RARA: variants seen among roughly 807,000 people sequenced by gnomAD.
RARA encodes the protein retinoic acid receptor alpha, also known as PML-DDX5-RARA fusion.
RARA carries 5 observed loss-of-function variants against 42.8 expected under a neutral mutation model. The observed-to-expected ratio is 0.12, with a 90% confidence interval of 0.06 to 0.25. The LOEUF (loss-of-function observed/expected upper bound fraction) is 0.25, where lower values mean the gene tolerates loss of function less well. Among genes scored for constraint, RARA ranks in the 10% least tolerant of loss-of-function variants. The pLI, the probability that RARA is intolerant of heterozygous loss-of-function variation, is 1.00. For missense variants in RARA, 402 were observed against 628.7 expected (o/e 0.64, Z 3.86); for synonymous variants, 256 against 259.5 (o/e 0.99, Z 0.13).
chr17:40,322,892 G>T (rs903155366), intron 1 of RARA: 2 of 152,058 alleles, frequency 1.3e-5, no homozygotes, highest in Non-Finnish European at 2.9e-5. Flanking sequence ...TCCCCAGGGG[G>T]TGCAAACAAT....
At chr17:40,348,607 A>G (rs1598578531) in intron 3 of RARA, 143 bp downstream of exon 3, 27 of 1,080,582 alleles carry the variant, frequency 2.5e-5, no homozygotes, top group Non-Finnish European at 3.0e-5. Flanking sequence ...GCAAGCAGGG[A>G]CACCTACCAC....
Position 40,351,596 on chromosome 17 carries a change from G to A in RARA, c.470-314G>A, listed in dbSNP as rs532494669. ...GAGGCAGAGCACCTAGGAGGGCACC[G>A]TCGCCTGGAGTGTGAGCTGGAGTAG... On this transcript the variant is annotated intron_variant, in intron 4 of 8. Transcript: ENST00000254066. This position sits in a 1 kb window ranked among gnomAD's most constrained non-coding sequence, Gnocchi z 4.1. 160 of 476,436 alleles carry A rather than the reference G, an allele frequency of 3.4e-4. No individual in the cohort carries two copies. The highest frequency in any genetic ancestry group is 2.2e-3 in the African/African-American group (113 of 50,908). The allele number at this position is 476,436 out of a possible 1,614,324, so 29.5% of individuals were successfully genotyped here.
At chr17:40,348,622 T>C in intron 3 of RARA, 158 bp downstream of exon 3, 1 of 875,668 alleles carries the variant, frequency 1.1e-6, no homozygotes, top group Non-Finnish European at 1.6e-6. Flanking sequence ...TACCACAGTT[T>C]CCCCACAGGT....
At position 40,326,909 on chromosome 17, in the gene RARA, C is replaced by A. The variant is rs1334196720; in HGVS notation, c.-362-3948C>A. Among the ~76,000 whole-genome samples the A allele has an allele frequency of 4.6e-5, 7 of 152,124 alleles. No individual in the cohort carries two copies. The highest frequency in any genetic ancestry group is 1.7e-4 in the African/African-American group (7 of 41,414). On this transcript the variant is annotated intron_variant, in intron 1 of 8. Transcript: ENST00000254066. This position sits in a 1 kb window ranked among gnomAD's most constrained non-coding sequence, Gnocchi z 5.2. ...TTGGGCCCACCCTGGTCATCCCTAC[C>A]CTTGCCCATCCCTGTTCTCTGGTCT...
At chr17:40,339,673 C>G (rs899120160) in intron 2 of RARA, among the ~76,000 whole-genome samples, 10 of 152,170 alleles carry the variant, frequency 6.6e-5, no homozygotes, top group Admixed American at 4.6e-4. Context: ...CTCTGCCTCC[C>G]TACTTAGAAT....
At chr17:40,342,834 C>A (rs779528914) in intron 2 of RARA, 2 of 1,613,114 alleles carry the variant, frequency 1.2e-6, no homozygotes, top group South Asian at 2.2e-5. Flanking sequence ...CTCCACCCCG[C>A]TCCGGACTCC....
At chr17:40,311,179 C>T (rs1259784200) in intron 1 of RARA, among the ~76,000 whole-genome samples, 1 of 152,030 alleles carries the variant, frequency 6.6e-6, no homozygotes, top group African/African-American at 2.4e-5. Context: ...GAGCCCTAAT[C>T]GGATTCGACA....
chr17:40,356,456 CA>C lies in RARA; in HGVS notation c.*231del. ...CTGGGCTGACGTCAGAGGCCGAGGC[CA>C]GGAACTGAGTGAGGCCCCTGGTCCT... On this transcript the variant is annotated 3_prime_UTR_variant, in exon 9 of 9. Transcript: ENST00000254066. 1 of 705,936 alleles carries C rather than the reference CA, an allele frequency of 1.4e-6. No homozygotes were observed. The allele number at this position is 705,936 out of a possible 1,614,324, so 43.7% of individuals were successfully genotyped here.
Position 40,334,098 on chromosome 17 carries a change from C to T in RARA, c.178+2702C>T, listed in dbSNP as rs559940751. Among the ~76,000 whole-genome samples the T allele has an allele frequency of 9.8e-5, 15 of 152,338 alleles. No individual in the cohort carries two copies. In the South Asian group the frequency reaches 3.1e-3, roughly 32 times the overall value. On this transcript the variant is annotated intron_variant, in intron 2 of 8. Transcript: ENST00000254066. ...GGAGGTGGGGGCTGGGGCCTGGCCC[C>T]ATCCTTGCCCATCCTGGCCAGAGGG...
intron 2 of RARA, chr17:40,341,915 CT>C (rs2034064983): frequency 1.8e-6 from 2 of 1,104,970 alleles, no homozygotes; most frequent in South Asian, 8.5e-5. Context: ...TCCCTCTGTA[CT>C]CTGTGTACTC....
Position 40,356,574 on chromosome 17 carries a change from T to C in RARA, c.*348T>C. 1 of 573,530 alleles carries C rather than the reference T, an allele frequency of 1.7e-6. No homozygotes were observed. The highest frequency in any genetic ancestry group is 3.3e-6 in the Non-Finnish European group (1 of 301,774). 35.5% of individuals were successfully genotyped at this position (573,530 alleles called of 1,614,324 possible). The stretch of plus-strand genomic sequence containing the variant: ...CTTCATCACCAGCAAACGCCAGGAC[T>C]TGGCTCCCCCATCCTCAGAACTCAC... On this transcript the variant is annotated 3_prime_UTR_variant, in exon 9 of 9. Transcript: ENST00000254066.
intron 2 of RARA, among the ~76,000 whole-genome samples, chr17:40,339,658 CCA>C (rs2033967363): frequency 6.6e-6 from 1 of 152,174 alleles, no homozygotes; most frequent in Non-Finnish European, 1.5e-5. Flanking sequence ...CCCTTGCTTG[CCA>C]CACTCTGCCT....
chr17:40,316,612 G>A (rs2033218868), intron 1 of RARA, among the ~76,000 whole-genome samples: 1 of 152,234 alleles, frequency 6.6e-6, no homozygotes, highest in Non-Finnish European at 1.5e-5. Flanking sequence ...GGGCACTAGG[G>A]GCGGGCTGGC....
rs1265457479 is a variant in RARA, at chr17:40,357,353, C to T, written c.*1127C>T. Reference sequence around the variant, plus strand: ...GCGTGCGCACACACACAAACACACACACACTGGACAGTAGATGGGCCGACA... The same window carrying T: ...GCGTGCGCACACACACAAACACACATACACTGGACAGTAGATGGGCCGACA... On this transcript the variant is annotated 3_prime_UTR_variant, in exon 9 of 9. Transcript: ENST00000254066. 2 of 234,076 alleles carry T rather than the reference C, an allele frequency of 8.5e-6. No homozygotes were observed. The highest frequency in any genetic ancestry group is 2.2e-5 in the African/African-American group (1 of 45,264). 14.5% of individuals were successfully genotyped at this position (234,076 alleles called of 1,614,324 possible). A position where few individuals can be genotyped will look rare whatever the true frequency, so the allele number is the denominator to read the frequency against.
intron 1 of RARA, among the ~76,000 whole-genome samples, chr17:40,315,130 GTGTATATATATATATATATATA>G (rs1264946695): frequency 1.3e-4 from 7 of 53,990 alleles, no homozygotes; most frequent in Admixed American, 9.2e-4. Flanking sequence ...ATGCTTATAT[GTGTATATATATATATATATATA>G]TATATATATA....
In RARA at chr17:40,331,165, C is replaced by A. The variant is rs574319362; in HGVS notation, c.-54C>A. 1.5e-4 allele frequency: 222 copies of A among 1,530,396 alleles called. 1 individual carries two copies. In the African/African-American group the frequency reaches 2.4e-3, roughly 17 times the overall value. 94.8% of individuals were successfully genotyped at this position (1,530,396 alleles called of 1,614,324 possible). Reference sequence around the variant, plus strand: ...CCCCGAGGAGGGGTGGTCTGAAGCCCACCAGAGCCCCCTGCCAGACTGTCT... The same window carrying A: ...CCCCGAGGAGGGGTGGTCTGAAGCCAACCAGAGCCCCCTGCCAGACTGTCT... On this transcript the variant is annotated 5_prime_UTR_variant, in exon 2 of 9. Coordinates refer to ENST00000254066, the MANE Select transcript of RARA (RefSeq NM_000964.4).
At chr17:40,336,360 G>T (rs972576328) in intron 2 of RARA, among the ~76,000 whole-genome samples, 4 of 152,108 alleles carry the variant, frequency 2.6e-5, no homozygotes, top group Admixed American at 1.3e-4. Flanking sequence ...ACAGGTGTGA[G>T]CCACTGCACC....
In RARA at chr17:40,345,334, C is replaced by T. The variant is rs1453391105; in HGVS notation, c.179-2982C>T. The T allele has an allele frequency of 3.9e-5, 6 of 152,622 alleles. No homozygotes were observed. Among genetic ancestry groups the T allele is most frequent in the African/African-American group, 1.4e-4 (6 of 41,470 alleles). 9.5% of individuals were successfully genotyped at this position (152,622 alleles called of 1,614,324 possible). A position where few individuals can be genotyped will look rare whatever the true frequency, so the allele number is the denominator to read the frequency against. On this transcript the variant is annotated intron_variant, in intron 2 of 8. Transcript: ENST00000254066. The surrounding 1 kb of genome is among the most constrained non-coding windows in gnomAD (Gnocchi z 4.8). ...GAAGGACGGTACAGAGGGCCCTACG[C>T]CCCCTCCCCAACCATCCCCAGGGGC...
intron 1 of RARA, among the ~76,000 whole-genome samples, chr17:40,315,111 T>C (rs2033168857): frequency 7.2e-6 from 1 of 138,868 alleles, no homozygotes; most frequent in African/African-American, 2.7e-5. Context: ...TATATATATA[T>C]ATATATATAT....
Sources: gnomAD v4.1 joint callset for allele counts (sites outside exome capture counted in the v4.1 genomes callset) on GRCh38, gnomAD v4.1.1 for gene constraint, Gnocchi (gnomAD v3.1) non-coding constraint, MANE v1.5 for transcripts, NCBI Gene and HGNC (gene_info 2026-07-23, HGNC 2026-07-21) for gene names.